TF: variants seen among roughly 807,000 people sequenced by gnomAD.
The protein encoded by TF is serotransferrin.
A neutral mutation model predicts 82.4 loss-of-function variants in TF; 55 were observed. The ratio of observed to expected loss-of-function variants is 0.67; its 90% CI spans 0.54 to 0.84. The LOEUF is 0.84. TF is among the 40% of genes least tolerant of loss of function. The pLI is 0.00. For missense variants in TF, 737 were observed against 868.4 expected (o/e 0.85, Z 1.90); for synonymous variants, 332 against 332.6 (o/e 1.00, Z 0.02).
rs759684948 is a variant in TF at position 133,754,592 on chromosome 3, A to T, written c.423A>T (p.Leu141=). ...GCAAGAAGTCCTGCCACACGGGTCTAGGCAGGTCCGCTGGGTGGAACATCC... is the reference window on the plus strand; with the variant it reads ...GCAAGAAGTCCTGCCACACGGGTCTTGGCAGGTCCGCTGGGTGGAACATCC... The part of the protein sequence containing the change: ...LRGKKSCHTG[L]GRSAGWNIPI... Residue 141 remains leucine, a synonymous_variant, in exon 4 of 17, where the codon CTA becomes CTT. Coordinates refer to ENST00000402696, the MANE Select transcript of TF (RefSeq NM_001063.4). 1 of 1,614,086 alleles carries T rather than the reference A, an allele frequency of 6.2e-7. No individual in the cohort carries two copies. Among genetic ancestry groups the T allele is most frequent in the African/African-American group, 1.3e-5 (1 of 74,938 alleles).
At chr3:133,746,345 C>T, upstream of TF, 1 of 1,448,632 alleles carries the variant, frequency 6.9e-7, no homozygotes, top group Non-Finnish European at 9.4e-7. Flanking sequence ...GCGCCCAGCC[C>T]GCCCAGGCCG....
chr3:133,689,618 G>A, the TF span, among the ~76,000 whole-genome samples: 4 of 152,248 alleles, frequency 2.6e-5, no homozygotes, highest in South Asian at 8.3e-4. Context: ...GAGTGGCTGA[G>A]TCCTACCTAA....
At chr3:133,679,569 C>CTTTTTTTTT in the TF span, among the ~76,000 whole-genome samples, 74 of 75,388 alleles carry the variant, frequency 9.8e-4, 4 homozygotes, top group African/African-American at 1.2e-3. Context: ...CTTTGTTTGG[C>CTTTTTTTTT]TTTTTTTTTT....
In TF at chr3:133,781,191, C is replaced by T. The variant is rs780454843; in HGVS notation, c.*2571C>T. 3 of 151,886 alleles carry T rather than the reference C, an allele frequency of 2.0e-5. No homozygotes were observed. The highest frequency in any genetic ancestry group is 2.0e-4 in the Admixed American group (3 of 15,224). The allele number at this position is 151,886 out of a possible 1,614,324, so 9.4% of individuals were successfully genotyped here. On this transcript the variant is annotated 3_prime_UTR_variant, in exon 17 of 17. Coordinates refer to ENST00000402696, the MANE Select transcript of TF (RefSeq NM_001063.4). ...ATTAGCCGGGCGTAGTGGTGCATGCCTGTAATCCCAGCTACTCGGGAGGCT... is the reference window on the plus strand; with the variant it reads ...ATTAGCCGGGCGTAGTGGTGCATGCTTGTAATCCCAGCTACTCGGGAGGCT...
At chr3:133,679,512 C>T in the TF span, among the ~76,000 whole-genome samples, 7 of 142,614 alleles carry the variant, frequency 4.9e-5, no homozygotes, top group African/African-American at 1.8e-4. Context: ...AGATAAGTTT[C>T]GTCTTTTCTA....
chr3:133,705,687 T>C, the TF span, among the ~76,000 whole-genome samples: 1 of 152,230 alleles, frequency 6.6e-6, no homozygotes, highest in Admixed American at 6.5e-5. Context: ...GATGGAGTAA[T>C]GTGAGGGTTT....
intron 2 of TF, among the ~76,000 whole-genome samples, chr3:133,749,189 C>T (rs924646283): frequency 1.3e-5 from 2 of 152,152 alleles, no homozygotes; most frequent in Non-Finnish European, 2.9e-5. Context: ...AGAATGCCCA[C>T]TATCAAAATT....
At chr3:133,707,819 A>C in the TF span, 1 of 152,372 alleles carries the variant, frequency 6.6e-6, no homozygotes, top group Non-Finnish European at 1.5e-5. Flanking sequence ...GCACTGGAAT[A>C]AATGAAATAT....
the TF span, among the ~76,000 whole-genome samples, chr3:133,679,839 G>C: frequency 2.6e-5 from 4 of 152,070 alleles, no homozygotes; most frequent in Non-Finnish European, 5.9e-5. Context: ...TAGAATTACT[G>C]GGTCATACTG....
intron 6 of TF, 133 bp downstream of exon 6, chr3:133,756,470 C>T (rs894850087): frequency 9.3e-7 from 1 of 1,080,956 alleles, no homozygotes; most frequent in Non-Finnish European, 1.4e-6. Flanking sequence ...GGGTTTCCAC[C>T]TGTGCAGAGT....
At chr3:133,743,153 C>T (rs1460324429), upstream of TF, among the ~76,000 whole-genome samples, 1 of 152,126 alleles carries the variant, frequency 6.6e-6, no homozygotes, top group Non-Finnish European at 1.5e-5. Flanking sequence ...GAATAAGGAC[C>T]CATCATTTGA....
rs1934966594 is a variant in TF, at chr3:133,796,212, G to A, written c.*17592G>A. 1 of 153,184 alleles carries A rather than the reference G, an allele frequency of 6.5e-6. No individual in the cohort carries two copies. Among genetic ancestry groups the A allele is most frequent in the Non-Finnish European group, 1.5e-5 (1 of 68,076 alleles). 9.5% of individuals were successfully genotyped at this position (153,184 alleles called of 1,614,324 possible). On this transcript the variant is annotated 3_prime_UTR_variant, in exon 17 of 17. Transcript: ENST00000402696. The stretch of plus-strand genomic sequence containing the variant: ...TTCCACCACCCCTGGCCATCAAGGA[G>A]CTACCCTGCCTTCACTAGAAAGAGC...
the TF span, among the ~76,000 whole-genome samples, chr3:133,716,924 C>T: frequency 6.6e-6 from 1 of 152,144 alleles, no homozygotes; most frequent in Non-Finnish European, 1.5e-5. Flanking sequence ...CTTGGTCCTA[C>T]CCCCATCTGG....
the TF span, among the ~76,000 whole-genome samples, chr3:133,730,932 T>C: frequency 1.3e-5 from 2 of 152,316 alleles, no homozygotes; most frequent in South Asian, 4.1e-4. Flanking sequence ...TGTACATGTA[T>C]ACACTTTACA....
intron 3 of TF, 106 bp downstream of exon 3, chr3:133,753,809 T>A: frequency 1.1e-6 from 1 of 921,926 alleles, no homozygotes. Context: ...TGAACATTCA[T>A]CTTTGGAGAG....
chr3:133,725,197 T>G, the TF span, among the ~76,000 whole-genome samples: 54 of 152,118 alleles, frequency 3.5e-4, no homozygotes, highest in Admixed American at 1.2e-3. Flanking sequence ...GTGAAGAAAG[T>G]CATTGGTAGC....
chr3:133,684,900 A>G, the TF span, among the ~76,000 whole-genome samples: 2 of 152,180 alleles, frequency 1.3e-5, no homozygotes, highest in South Asian at 2.1e-4. Flanking sequence ...AGACACAACA[A>G]AAAAAGAGAA....
chr3:133,729,277 C>T, the TF span, among the ~76,000 whole-genome samples: 3 of 152,252 alleles, frequency 2.0e-5, no homozygotes, highest in Non-Finnish European at 2.9e-5. Context: ...CCTACAAAGG[C>T]AGGCAGGCCT....
At chr3:133,670,113 A>G in the TF span, among the ~76,000 whole-genome samples, 1 of 152,204 alleles carries the variant, frequency 6.6e-6, no homozygotes, top group Admixed American at 6.5e-5. Context: ...GAGAAACAGC[A>G]TGGACTATGG....
Sources: gnomAD v4.1 joint callset for allele counts (sites outside exome capture counted in the v4.1 genomes callset) on GRCh38, gnomAD v4.1.1 for gene constraint, MANE v1.5 for transcripts, NCBI Gene and HGNC (gene_info 2026-07-23, HGNC 2026-07-21) for gene names.